The following PTPRN2 variants were observed in gnomAD, a reference collection of about 807,000 sequenced individuals.
The protein encoded by PTPRN2 is protein tyrosine phosphatase receptor type N2.
Under a neutral mutation model 118.8 loss-of-function variants are expected in PTPRN2, and 74 were observed. That is an observed-to-expected ratio of 0.62 (90% CI 0.52 to 0.76). PTPRN2 has a LOEUF of 0.76. Ranked by LOEUF, PTPRN2 falls within the 30% of genes least tolerant of loss-of-function variation. The probability of loss-of-function intolerance (pLI) is 0.00; values close to 1 mark genes in which losing one functional copy is unlikely to be tolerated. For synonymous variants in PTPRN2, 641 were observed against 608.0 expected (o/e 1.05, Z -0.80); for missense variants, 1,481 against 1,394.4 (o/e 1.06, Z -0.99).
chr7:158,491,229 G>C (rs1485237148), intron 1 of PTPRN2, among the ~76,000 whole-genome samples: 2 of 152,218 alleles, frequency 1.3e-5, no homozygotes, highest in Non-Finnish European at 1.5e-5. Flanking sequence ...AGCCTCGCTC[G>C]TCTCACAACA....
chr7:158,441,038 A>AGTAGTGATGGTGGTAGTGATGGGGGTG (rs1563295426), intron 2 of PTPRN2, among the ~76,000 whole-genome samples: 38 of 119,600 alleles, frequency 3.2e-4, no homozygotes, highest in Non-Finnish European at 5.9e-4. Flanking sequence ...TGACAGTGGT[A>AGTAGTGATGGTGGTAGTGATGGGGGTG]GTAGTGATGG....
At chr7:158,159,412 A>G (rs1055537297) in intron 6 of PTPRN2, among the ~76,000 whole-genome samples, 2 of 152,226 alleles carry the variant, frequency 1.3e-5, no homozygotes, top group African/African-American at 4.8e-5. Flanking sequence ...CGATAGTATA[A>G]TAAGACACCT....
intron 8 of PTPRN2, among the ~76,000 whole-genome samples, chr7:158,136,114 TG>T (rs1268495025): frequency 5.3e-5 from 8 of 152,238 alleles, no homozygotes; most frequent in South Asian, 2.1e-4. Context: ...CCTCTTCCTG[TG>T]GCATCCAGCG....
intron 12 of PTPRN2, among the ~76,000 whole-genome samples, chr7:157,712,991 T>C (rs903375389): frequency 1.9e-4 from 29 of 152,252 alleles, no homozygotes; most frequent in African/African-American, 5.1e-4. Flanking sequence ...CCTAGGTTCA[T>C]GGTACTTGGT....
chr7:157,551,334 C>T (rs1798585577), intron 21 of PTPRN2, among the ~76,000 whole-genome samples: 1 of 151,966 alleles, frequency 6.6e-6, no homozygotes, highest in Admixed American at 6.6e-5. Flanking sequence ...TGAAAAATAC[C>T]ACAACTGTAG....
In PTPRN2 at chr7:157,978,642, G is replaced by A. The variant is rs150742925; in HGVS notation, c.1724-79905C>T. Among the ~76,000 whole-genome samples, 186 of 152,046 alleles carry A rather than the reference G, an allele frequency of 1.2e-3. 2 individuals carry two copies. The highest frequency in any genetic ancestry group is 4.0e-3 in the African/African-American group (166 of 41,534). The stretch of plus-strand genomic sequence containing the variant: ...AAGCCAGAACTAGACTTTGCTCAGA[G>A]GTGAGCAGCTGATCCAGCTCAGGGG... On this transcript the variant is annotated intron_variant, in intron 11 of 22. Coordinates refer to ENST00000389418, the MANE Select transcript of PTPRN2 (RefSeq NM_002847.5).
chr7:158,480,866 T>G (rs535906330), intron 2 of PTPRN2, among the ~76,000 whole-genome samples: 1 of 152,316 alleles, frequency 6.6e-6, no homozygotes, highest in Admixed American at 6.5e-5. Context: ...AGAGGTTGGT[T>G]CATGAGGTTG....
At chr7:157,579,382 C>A (rs1320213873) in intron 17 of PTPRN2, among the ~76,000 whole-genome samples, 1 of 152,220 alleles carries the variant, frequency 6.6e-6, no homozygotes, top group Non-Finnish European at 1.5e-5. Context: ...AAACATGTTT[C>A]TTACGCCAGG....
chr7:158,177,035 G>A (rs989167131), intron 5 of PTPRN2, among the ~76,000 whole-genome samples: 14 of 152,150 alleles, frequency 9.2e-5, no homozygotes, highest in Non-Finnish European at 1.9e-4. Flanking sequence ...GACAGTTTGG[G>A]GCTGTTCTGG....
intron 11 of PTPRN2, among the ~76,000 whole-genome samples, chr7:158,068,060 G>A (rs2128912716): frequency 6.6e-6 from 1 of 152,328 alleles, no homozygotes; most frequent in East Asian, 1.9e-4. Flanking sequence ...AGGCAGGCAT[G>A]CTGGGCTGGA....
At chr7:158,406,393 T>C (rs1336378316) in intron 2 of PTPRN2, among the ~76,000 whole-genome samples, 2 of 118,640 alleles carry the variant, frequency 1.7e-5, no homozygotes, top group African/African-American at 6.8e-5. Context: ...CCGTGAGACA[T>C]GTGGCTGCAC....
intron 8 of PTPRN2, 85 bp from the exon 9 acceptor site, chr7:158,134,144 T>A (rs1339969768): frequency 1.4e-6 from 2 of 1,461,784 alleles, no homozygotes; most frequent in South Asian, 1.3e-5. Flanking sequence ...CGGGACAGAG[T>A]CACTGTGGGG....
chr7:157,595,654 C>T (rs148591143), intron 16 of PTPRN2, among the ~76,000 whole-genome samples: 12 of 134,388 alleles, frequency 8.9e-5, no homozygotes, highest in East Asian at 3.1e-4. Flanking sequence ...TTAGGAAGCC[C>T]GGAAGTTAGG....
At chr7:158,480,759 T>TTAA (rs1371633970) in intron 2 of PTPRN2, among the ~76,000 whole-genome samples, 1 of 152,244 alleles carries the variant, frequency 6.6e-6, no homozygotes, top group Non-Finnish European at 1.5e-5. Flanking sequence ...CAATATTCCC[T>TTAA]TAAGCCAGAG....
intron 5 of PTPRN2, among the ~76,000 whole-genome samples, chr7:158,180,250 G>A (rs74749299): frequency 5.3e-5 from 8 of 152,174 alleles, no homozygotes; most frequent in Non-Finnish European, 1.2e-4. Flanking sequence ...CCCAGTTTAT[G>A]GTTTTCTATG....
chr7:158,553,628 G>C (rs1826802834), intron 1 of PTPRN2, among the ~76,000 whole-genome samples: 1 of 151,310 alleles, frequency 6.6e-6, no homozygotes, highest in African/African-American at 2.4e-5. Flanking sequence ...CACCTTCCCT[G>C]TCTAAATACG....
At chr7:158,149,896 A>T (rs925009606) in intron 6 of PTPRN2, among the ~76,000 whole-genome samples, 2 of 152,144 alleles carry the variant, frequency 1.3e-5, no homozygotes, top group African/African-American at 4.8e-5. Flanking sequence ...GCTGAACAAA[A>T]AGTGGCAAGA....
chr7:157,870,696 A>G (rs1417886768), intron 12 of PTPRN2, among the ~76,000 whole-genome samples: 1 of 152,214 alleles, frequency 6.6e-6, no homozygotes, highest in African/African-American at 2.4e-5. Context: ...AATCTCTTCC[A>G]TAACAAGCCT....
Position 157,953,024 on chromosome 7 carries a change from G to A in PTPRN2, c.1724-54287C>T, listed in dbSNP as rs1482917082. Among the ~76,000 whole-genome samples the A allele has an allele frequency of 6.6e-6, 1 of 152,020 alleles. No individual in the cohort carries two copies. Among genetic ancestry groups the A allele is most frequent in the Admixed American group, 6.5e-5 (1 of 15,280 alleles). ...AGCTATCCAGTTCCAGGAGCCACCT[G>A]ACCACAGGGTGAGCTGTCCAGTGCC... is the stretch of plus-strand genomic sequence containing the variant. On this transcript the variant is annotated intron_variant, in intron 11 of 22. Coordinates refer to ENST00000389418, the MANE Select transcript of PTPRN2 (RefSeq NM_002847.5). The surrounding 1 kb of genome is among the most constrained non-coding windows in gnomAD (Gnocchi z 4.6).
Sources: allele counts gnomAD v4.1 joint callset (sites outside exome capture counted in the v4.1 genomes callset), GRCh38; gene constraint gnomAD v4.1.1; non-coding constraint Gnocchi (gnomAD v3.1); transcripts MANE v1.5; gene names NCBI Gene and HGNC (gene_info 2026-07-23, HGNC 2026-07-21).